The following KIF18A variants were observed in gnomAD, a reference collection of about 807,000 sequenced individuals.
KIF18A encodes the protein kinesin-like protein KIF18A.
KIF18A carries 67 observed loss-of-function variants against 103.3 expected under a neutral mutation model. That is an observed-to-expected ratio of 0.65 (90% CI 0.53 to 0.79). The LOEUF is 0.79. KIF18A is among the 30% of genes least tolerant of loss of function. The pLI is 0.00. For missense variants in KIF18A, 1,032 were observed against 1,062.5 expected, an observed-to-expected ratio of 0.97 and a Z score of 0.40; for synonymous variants, 367 against 355.5, an observed-to-expected ratio of 1.03 and a Z score of -0.36.
intron 1 of KIF18A, among the ~76,000 whole-genome samples, chr11:28,104,990 T>C (rs1483033220): frequency 2.0e-5 from 3 of 151,962 alleles, no homozygotes; most frequent in Non-Finnish European, 4.4e-5. Flanking sequence ...ATATTTAAAT[T>C]TTAAACAAGG....
chr11:28,032,918 G>A (rs1291089703), intron 15 of KIF18A, among the ~76,000 whole-genome samples: 1 of 151,742 alleles, frequency 6.6e-6, no homozygotes, highest in Non-Finnish European at 1.5e-5. Flanking sequence ...TCAATAAAGT[G>A]AAGAGACAAC....
At chr11:28,098,433 T>A (rs16917735) in intron 1 of KIF18A, among the ~76,000 whole-genome samples, 37,638 of 152,128 alleles carry the variant, frequency 0.25, 4,909 homozygotes, top group African/African-American at 0.29. Flanking sequence ...TATCAAGGTA[T>A]GATTGGAGAG....
At chr11:28,029,524 G>A (rs1850367901) in intron 15 of KIF18A, among the ~76,000 whole-genome samples, 4 of 152,090 alleles carry the variant, frequency 2.6e-5, no homozygotes, top group Admixed American at 1.3e-4. Flanking sequence ...TTGATGGGAC[G>A]TATCTCAAAA....
At chr11:28,078,732 A>G (rs1490819983) in intron 9 of KIF18A, among the ~76,000 whole-genome samples, 2 of 152,056 alleles carry the variant, frequency 1.3e-5, no homozygotes, top group Non-Finnish European at 2.9e-5. Context: ...TTTCCTTTTG[A>G]GAATTACCTT....
chr11:28,079,762 GA>G (rs1851140354), intron 9 of KIF18A, among the ~76,000 whole-genome samples: 1 of 81,298 alleles, frequency 1.2e-5, no homozygotes, highest in African/African-American at 4.8e-5. Flanking sequence ...ATTCCTTATG[GA>G]GTAATTTCCA....
intron 11 of KIF18A, among the ~76,000 whole-genome samples, chr11:28,065,661 T>C (rs1850910215): frequency 6.6e-6 from 1 of 152,060 alleles, no homozygotes; most frequent in Non-Finnish European, 1.5e-5. Context: ...TACCATACCA[T>C]TTTTAAAATT....
intron 12 of KIF18A, among the ~76,000 whole-genome samples, chr11:28,061,939 A>T (rs1320736074): frequency 6.6e-6 from 1 of 152,144 alleles, no homozygotes; most frequent in Non-Finnish European, 1.5e-5. Flanking sequence ...GGTCTGTTAT[A>T]GCATCACATA....
chr11:28,041,750 G>A (rs945724282), intron 13 of KIF18A, among the ~76,000 whole-genome samples: 2 of 151,748 alleles, frequency 1.3e-5, no homozygotes, highest in Non-Finnish European at 2.9e-5. Flanking sequence ...GGGTAAGAGT[G>A]GTAGGAGCAG....
chr11:28,061,948 T>G (rs946270258), intron 12 of KIF18A, among the ~76,000 whole-genome samples: 1 of 152,114 alleles, frequency 6.6e-6, no homozygotes, highest in Non-Finnish European at 1.5e-5. Flanking sequence ...TAGCATCACA[T>G]AAAAATCAGG....
intron 15 of KIF18A, among the ~76,000 whole-genome samples, chr11:28,028,203 AC>A (rs1262309741): frequency 1.3e-5 from 2 of 152,114 alleles, no homozygotes; most frequent in Non-Finnish European, 2.9e-5. Flanking sequence ...AGAACTCTCC[AC>A]CCACAATCAA....
chr11:28,041,399 A>C (rs1850558027), intron 13 of KIF18A, among the ~76,000 whole-genome samples: 1 of 151,722 alleles, frequency 6.6e-6, no homozygotes, highest in South Asian at 2.1e-4. Context: ...GGCAGAAAAA[A>C]TAGCATGTGC....
chr11:28,076,990 A>T lies in KIF18A; in HGVS notation c.1425+17T>A. 1 of 1,215,438 alleles carries T rather than the reference A, an allele frequency of 8.2e-7. No homozygotes were observed. The highest frequency in any genetic ancestry group is 1.1e-6 in the Non-Finnish European group (1 of 902,732). 75.3% of individuals were successfully genotyped at this position (1,215,438 alleles called of 1,614,324 possible). A position where few individuals can be genotyped will look rare whatever the true frequency, so the allele number is the denominator to read the frequency against. On this transcript the variant is annotated intron_variant, in intron 10 of 16. Transcript: ENST00000263181. Reference sequence around the variant, plus strand: ...TTTTTATACTTTCTAAAATTTAATTATAAAATTGTTAATTACCTTTTCTAC... The same window carrying T: ...TTTTTATACTTTCTAAAATTTAATTTTAAAATTGTTAATTACCTTTTCTAC...
intron 1 of KIF18A, among the ~76,000 whole-genome samples, chr11:28,106,046 C>T (rs1192742180): frequency 6.6e-6 from 1 of 152,128 alleles, no homozygotes; most frequent in Non-Finnish European, 1.5e-5. Flanking sequence ...AAAGATTCAC[C>T]CCTAATTTTA....
At chr11:28,100,651 C>T (rs1851433558) in intron 1 of KIF18A, among the ~76,000 whole-genome samples, 2 of 151,770 alleles carry the variant, frequency 1.3e-5, no homozygotes, top group African/African-American at 4.8e-5. Flanking sequence ...CACAAAACCA[C>T]TTAGCCATAT....
In KIF18A at chr11:28,036,639, C is replaced by T; in HGVS notation, c.1974G>A (p.Leu658=). 1.2e-6 allele frequency: 2 copies of T among 1,603,506 alleles called. No individual in the cohort carries two copies. Among genetic ancestry groups the T allele is most frequent in the Non-Finnish European group, 1.7e-6 (2 of 1,173,872 alleles). Residue 658 remains leucine (L), a synonymous_variant, in exon 14 of 17, where the codon CTG becomes CTA. Coordinates refer to ENST00000263181, the MANE Select transcript of KIF18A (RefSeq NM_031217.4). ...PCCSSSGGTN[L]VKIPTEKRTR... ...TTCTTTTTTCTGTAGGAATCTTAACCAGATTAGTTCCACCTGAAGATGAGC... is the reference window on the plus strand; with the variant it reads ...TTCTTTTTTCTGTAGGAATCTTAACTAGATTAGTTCCACCTGAAGATGAGC...
At chr11:28,083,115 A>AT (rs1419881081) in intron 8 of KIF18A, 54 bp downstream of exon 8, 1 of 1,553,526 alleles carries the variant, frequency 6.4e-7, no homozygotes, top group Non-Finnish European at 8.6e-7. Context: ...AGATTATAAA[A>AT]TTCTATAAAT....
At chr11:28,075,007 T>C (rs1003012740) in intron 10 of KIF18A, among the ~76,000 whole-genome samples, 5 of 152,204 alleles carry the variant, frequency 3.3e-5, no homozygotes, top group Non-Finnish European at 7.3e-5. Flanking sequence ...TAGGTATATA[T>C]TTATCTTATA....
rs575527489 is a variant in KIF18A at position 28,044,157 on chromosome 11, G to T, written c.1949-7493C>A. 3.3e-5 allele frequency among the ~76,000 whole-genome samples: 5 copies of T among 152,066 alleles called. No individual in the cohort carries two copies. The East Asian group carries it at 9.7e-4, about 29-fold the overall frequency. On this transcript the variant is annotated intron_variant, in intron 13 of 16. Transcript: ENST00000263181. The stretch of plus-strand genomic sequence containing the variant: ...CTGCTCCTTTGTTACCCTATTAAAA[G>T]ACATGAAGTTTTACTCTCTGGATAG...
At chr11:28,085,459 G>A (rs1851214869) in intron 6 of KIF18A, among the ~76,000 whole-genome samples, 1 of 152,132 alleles carries the variant, frequency 6.6e-6, no homozygotes, top group Non-Finnish European at 1.5e-5. Context: ...GTTCACAGTA[G>A]ACAGCAACAG....
Sources: gnomAD v4.1 joint callset for allele counts (sites outside exome capture counted in the v4.1 genomes callset) on GRCh38, gnomAD v4.1.1 for gene constraint, MANE v1.5 for transcripts, NCBI Gene and HGNC (gene_info 2026-07-23, HGNC 2026-07-21) for gene names.